PDGFC: variants seen among roughly 807,000 people sequenced by gnomAD.
PDGFC encodes platelet derived growth factor C.
In PDGFC, 12 loss-of-function variants were observed where a neutral mutation model predicts 35.5. That is an observed-to-expected ratio of 0.34 (90% CI 0.22 to 0.55). The LOEUF is 0.55. PDGFC is among the 20% of genes least tolerant of loss of function. The probability of loss-of-function intolerance (pLI) is 0.91; values close to 1 mark genes in which losing one functional copy is unlikely to be tolerated. For missense variants in PDGFC, 322 were observed against 412.4 expected (o/e 0.78, Z 1.90); for synonymous variants, 159 against 148.8 (o/e 1.07, Z -0.50).
At chr4:156,851,082 A>G (rs1037843754) in intron 1 of PDGFC, among the ~76,000 whole-genome samples, 3 of 152,180 alleles carry the variant, frequency 2.0e-5, no homozygotes, top group African/African-American at 7.2e-5. Flanking sequence ...TTGAGCTGGC[A>G]AAATGTTCTT....
At chr4:156,832,357 A>T (rs1728963906) in intron 2 of PDGFC, among the ~76,000 whole-genome samples, 1 of 151,178 alleles carries the variant, frequency 6.6e-6, no homozygotes, top group African/African-American at 2.4e-5. Context: ...CTCGGGTTCA[A>T]GCGATTCTCC....
At chr4:156,861,358 T>C (rs960604607) in intron 1 of PDGFC, 2 of 512,716 alleles carry the variant, frequency 3.9e-6, no homozygotes, top group African/African-American at 2.0e-5. Context: ...CTTAATTACA[T>C]GAAAGTACAA....
At chr4:156,841,097 T>C (rs1365528946) in intron 2 of PDGFC, among the ~76,000 whole-genome samples, 1 of 151,860 alleles carries the variant, frequency 6.6e-6, no homozygotes, top group African/African-American at 2.4e-5. Flanking sequence ...TGGGGGACTG[T>C]TGGAAAGTGA....
chr4:156,939,118 G>T (rs1026840574), intron 1 of PDGFC, among the ~76,000 whole-genome samples: 2 of 151,872 alleles, frequency 1.3e-5, no homozygotes, highest in African/African-American at 4.8e-5. Flanking sequence ...ATGAATAAAG[G>T]CTGGGCCTCT....
At chr4:156,830,271 T>C (rs1728895630) in intron 2 of PDGFC, among the ~76,000 whole-genome samples, 1 of 151,112 alleles carries the variant, frequency 6.6e-6, no homozygotes. Context: ...AAACTTCATG[T>C]CCTCAGACCT....
At chr4:156,962,675 G>A (rs1433513566) in intron 1 of PDGFC, among the ~76,000 whole-genome samples, 2 of 152,116 alleles carry the variant, frequency 1.3e-5, no homozygotes, top group African/African-American at 4.8e-5. Flanking sequence ...AGAGGCACGT[G>A]GCTCTGAGTC....
At chr4:156,771,297 A>T (rs1266211732) in intron 4 of PDGFC, among the ~76,000 whole-genome samples, 2 of 152,130 alleles carry the variant, frequency 1.3e-5, no homozygotes, top group African/African-American at 4.8e-5. Flanking sequence ...ACTAGATCTC[A>T]GTTTAGAACC....
chr4:156,808,651 G>A (rs1731837990), intron 3 of PDGFC, among the ~76,000 whole-genome samples: 1 of 151,920 alleles, frequency 6.6e-6, no homozygotes, highest in Non-Finnish European at 1.5e-5. Flanking sequence ...AGTGTGGGGG[G>A]TGGAGGGGGT....
At chr4:156,804,154 G>A (rs1228524159) in intron 3 of PDGFC, among the ~76,000 whole-genome samples, 1 of 151,698 alleles carries the variant, frequency 6.6e-6, no homozygotes, top group Non-Finnish European at 1.5e-5. Flanking sequence ...AAATTCATTT[G>A]TTTGAATATA....
At chr4:156,921,918 C>A (rs1035243138) in intron 1 of PDGFC, among the ~76,000 whole-genome samples, 1 of 152,122 alleles carries the variant, frequency 6.6e-6, no homozygotes, top group Admixed American at 6.5e-5. Context: ...CAAACACACA[C>A]TAGTATTTCC....
chr4:156,778,539 A>G (rs1371915444), intron 3 of PDGFC, among the ~76,000 whole-genome samples: 1 of 152,142 alleles, frequency 6.6e-6, no homozygotes, highest in Non-Finnish European at 1.5e-5. Context: ...TTTGTATTTT[A>G]TTATGGCTAC....
chr4:156,782,863 T>A (rs1448654694), intron 3 of PDGFC, among the ~76,000 whole-genome samples: 2 of 152,190 alleles, frequency 1.3e-5, no homozygotes, highest in Admixed American at 6.5e-5. Flanking sequence ...TAGACTATAT[T>A]ATACTCCTGT....
intron 1 of PDGFC, among the ~76,000 whole-genome samples, chr4:156,851,114 C>T (rs1218347973): frequency 6.6e-6 from 1 of 151,996 alleles, no homozygotes. Context: ...ATTATTTGGA[C>T]CCATAACTTC....
chr4:156,916,958 T>G (rs1350938882), intron 1 of PDGFC, among the ~76,000 whole-genome samples: 1 of 152,194 alleles, frequency 6.6e-6, no homozygotes, highest in Non-Finnish European at 1.5e-5. Flanking sequence ...CTGATGTAAC[T>G]GCAAAAGCCA....
At chr4:156,826,414 G>C (rs1302343293) in intron 2 of PDGFC, among the ~76,000 whole-genome samples, 3 of 151,974 alleles carry the variant, frequency 2.0e-5, no homozygotes, top group African/African-American at 7.2e-5. Context: ...TGTTAGCCAG[G>C]TTGGTCTTGA....
intron 2 of PDGFC, among the ~76,000 whole-genome samples, chr4:156,849,421 T>C (rs1729400273): frequency 6.6e-6 from 1 of 152,134 alleles, no homozygotes; most frequent in Non-Finnish European, 1.5e-5. Flanking sequence ...AAAATTCTCT[T>C]TTAACTTGTA....
At chr4:156,800,712 C>G (rs980193579) in intron 3 of PDGFC, among the ~76,000 whole-genome samples, 1 of 152,182 alleles carries the variant, frequency 6.6e-6, no homozygotes, top group East Asian at 1.9e-4. Context: ...TAACAGAGTT[C>G]AAGACATGCT....
intron 1 of PDGFC, among the ~76,000 whole-genome samples, chr4:156,897,067 A>T (rs1730648814): frequency 6.6e-6 from 1 of 152,208 alleles, no homozygotes; most frequent in African/African-American, 2.4e-5. Context: ...GCAGTAATAA[A>T]GAAATCTTAA....
chr4:156,830,886 C>T, intron 2 of PDGFC, among the ~76,000 whole-genome samples: 1 of 152,168 alleles, frequency 6.6e-6, no homozygotes, highest in East Asian at 1.9e-4. Flanking sequence ...AATATTACTC[C>T]TCAGAGATGC....
Sources: gnomAD v4.1 joint callset for allele counts (sites outside exome capture counted in the v4.1 genomes callset) on GRCh38, gnomAD v4.1.1 for gene constraint, MANE v1.5 for transcripts, NCBI Gene and HGNC (gene_info 2026-07-23, HGNC 2026-07-21) for gene names.